Variants in ABCB1 observed in about 807,000 individuals in gnomAD.
ABCB1 encodes ATP binding cassette subfamily B member 1, also known as ATP-dependent translocase ABCB1.
ABCB1 carries 69 observed loss-of-function variants against 142.0 expected under a neutral mutation model. The ratio of observed to expected loss-of-function variants is 0.49; its 90% confidence interval spans 0.40 to 0.59. The LOEUF (loss-of-function observed/expected upper bound fraction) is 0.59. Among genes scored for constraint, ABCB1 ranks in the 20% least tolerant of loss-of-function variants. The pLI is 0.00. For missense variants in ABCB1, 1,326 were observed against 1,554.7 expected, an observed-to-expected ratio of 0.85 and a Z score of 2.47; for synonymous variants, 532 against 539.2, an observed-to-expected ratio of 0.99 and a Z score of 0.18.
At chr7:87,683,528 G>A (rs1267998868) in intron 1 of ABCB1, among the ~76,000 whole-genome samples, 1 of 152,134 alleles carries the variant, frequency 6.6e-6, no homozygotes, top group Non-Finnish European at 1.5e-5. Context: ...GTGTCTCAAG[G>A]GAATAGGGAG....
At chr7:87,618,762 G>A (rs1820118338) in intron 1 of ABCB1, among the ~76,000 whole-genome samples, 1 of 152,160 alleles carries the variant, frequency 6.6e-6, no homozygotes, top group Admixed American at 6.5e-5. Flanking sequence ...CTAATCACAT[G>A]AGCCCTTTAA....
intron 1 of ABCB1, among the ~76,000 whole-genome samples, chr7:87,613,215 A>T (rs138511125): frequency 1.1e-3 from 156 of 143,124 alleles, no homozygotes; most frequent in African/African-American, 3.8e-3. Flanking sequence ...CATTGATGAG[A>T]TAATTTGGCT....
At chr7:87,516,304 T>A (rs1269147594) in intron 24 of ABCB1, among the ~76,000 whole-genome samples, 5 of 152,192 alleles carry the variant, frequency 3.3e-5, no homozygotes, top group African/African-American at 1.2e-4. Context: ...AAGTGAGCAG[T>A]ATTCCTATTT....
At chr7:87,636,302 A>G (rs1821766660) in intron 1 of ABCB1, among the ~76,000 whole-genome samples, 1 of 152,100 alleles carries the variant, frequency 6.6e-6, no homozygotes, top group Non-Finnish European at 1.5e-5. Flanking sequence ...TGGTGGTTTT[A>G]GTTTGCATTT....
chr7:87,602,204 A>G (rs1819484783), upstream of ABCB1, among the ~76,000 whole-genome samples: 1 of 151,096 alleles, frequency 6.6e-6, no homozygotes, highest in Non-Finnish European at 1.5e-5. Flanking sequence ...TGTGTTAGCC[A>G]GGATGGTCTT....
chr7:87,521,387 G>A lies in ABCB1; in HGVS notation c.2686-511C>T, dbSNP rs143783813. On this transcript the variant is annotated intron_variant, in intron 21 of 27. Coordinates refer to ENST00000622132, the MANE Select transcript of ABCB1 (RefSeq NM_001348946.2). ...TTCAAAGGCTTACTCCTCTCTGCCT[G>A]TGGACGCTTACCCCTTTCTGCCCGT... 1.5e-4 allele frequency: 92 copies of A among 612,692 alleles called. No homozygotes were observed. The African/African-American group carries it at 1.5e-3, about 10-fold the overall frequency. The allele number at this position is 612,692 out of a possible 1,614,324, so 38.0% of individuals were successfully genotyped here. A position where few individuals can be genotyped will look rare whatever the true frequency, so the allele number is the denominator to read the frequency against.
At chr7:87,549,764 T>C (rs960787585) in intron 13 of ABCB1, 87 bp downstream of exon 13, 2 of 1,483,832 alleles carry the variant, frequency 1.3e-6, no homozygotes, top group Non-Finnish European at 1.9e-6. Flanking sequence ...CTTCTTCCGA[T>C]TTATAGTAGT....
At chr7:87,666,442 C>G (rs1825259680) in intron 1 of ABCB1, among the ~76,000 whole-genome samples, 1 of 152,046 alleles carries the variant, frequency 6.6e-6, no homozygotes, top group South Asian at 2.1e-4. Context: ...TGTAGGTTGT[C>G]TCTTTACTCT....
chr7:87,665,744 A>G (rs935582519), intron 1 of ABCB1, among the ~76,000 whole-genome samples: 6 of 151,866 alleles, frequency 4.0e-5, no homozygotes, highest in African/African-American at 1.2e-4. Flanking sequence ...CCTTCTTTCC[A>G]TGTGTAGTCA....
intron 25 of ABCB1, among the ~76,000 whole-genome samples, chr7:87,511,870 G>C (rs1156353210): frequency 1.3e-5 from 2 of 152,200 alleles, no homozygotes; most frequent in Non-Finnish European, 2.9e-5. Context: ...GGTTCTGACT[G>C]TTGTATATGG....
chr7:87,531,249 T>A (rs2117129350), intron 21 of ABCB1, 45 bp downstream of exon 21: 1 of 1,502,744 alleles, frequency 6.7e-7, no homozygotes, highest in East Asian at 2.3e-5. Context: ...CTGATTAGAA[T>A]ACTTTACTCT....
intron 6 of ABCB1, 42 bp downstream of exon 6, chr7:87,566,743 A>G (rs1817797691): frequency 6.3e-7 from 1 of 1,583,318 alleles, no homozygotes; most frequent in Non-Finnish European, 8.7e-7. Context: ...TTTACTAAGG[A>G]TAAGAACGAC....
At chr7:87,582,581 T>C (rs916909512) in intron 4 of ABCB1, among the ~76,000 whole-genome samples, 1 of 152,198 alleles carries the variant, frequency 6.6e-6, no homozygotes, top group Non-Finnish European at 1.5e-5. Flanking sequence ...ACTTCAGAGA[T>C]TGGCAACCTT....
At chr7:87,596,847 G>C (rs1563068931) in intron 2 of ABCB1, among the ~76,000 whole-genome samples, 1 of 152,124 alleles carries the variant, frequency 6.6e-6, no homozygotes, top group East Asian at 1.9e-4. Context: ...CCAATTCCCA[G>C]TAAAGGCATG....
chr7:87,682,274 G>A (rs774889750), intron 1 of ABCB1, among the ~76,000 whole-genome samples: 3 of 152,078 alleles, frequency 2.0e-5, no homozygotes, highest in Non-Finnish European at 4.4e-5. Flanking sequence ...CATGAGAGTT[G>A]GAATCAACTT....
At chr7:87,645,696 A>T (rs751205094) in intron 1 of ABCB1, among the ~76,000 whole-genome samples, 1 of 152,194 alleles carries the variant, frequency 6.6e-6, no homozygotes, top group Admixed American at 6.5e-5. Context: ...TAGATATATT[A>T]AAATTCTTTC....
In ABCB1 at chr7:87,566,686, A is replaced by G. The variant is rs955030687; in HGVS notation, c.530+99T>C. 3 of 1,216,782 alleles carry G rather than the reference A, an allele frequency of 2.5e-6. No individual in the cohort carries two copies. The African/African-American group carries it at 4.5e-5, about 18-fold the overall frequency. The allele number at this position is 1,216,782 out of a possible 1,614,324, so 75.4% of individuals were successfully genotyped here. A position where few individuals can be genotyped will look rare whatever the true frequency, so the allele number is the denominator to read the frequency against. On this transcript the variant is annotated intron_variant, in intron 6 of 27. Coordinates refer to ENST00000622132, the MANE Select transcript of ABCB1 (RefSeq NM_001348946.2). ...GAATTTTGTCTCATAAGTACCTTTG[A>G]ATGATACATTAACACCTCCTAACAG...
rs983725547 is a variant in ABCB1 at position 87,503,254 on chromosome 7, T to C, written c.*989A>G. 2.0e-5 allele frequency among the ~76,000 whole-genome samples: 3 copies of C among 152,076 alleles called. No individual in the cohort carries two copies. The highest frequency in any genetic ancestry group is 1.5e-5 in the Non-Finnish European group (1 of 67,976). On this transcript the variant is annotated 3_prime_UTR_variant, in exon 28 of 28. Coordinates refer to ENST00000622132, the MANE Select transcript of ABCB1 (RefSeq NM_001348946.2). The stretch of plus-strand genomic sequence containing the variant: ...AGCAATTGTTTATAGTAAATATAGT[T>C]TATAATGTTAATAATGCTTTTTGGC...
At chr7:87,677,361 C>T (rs551018736) in intron 1 of ABCB1, among the ~76,000 whole-genome samples, 2 of 148,576 alleles carry the variant, frequency 1.3e-5, no homozygotes, top group South Asian at 2.1e-4. Flanking sequence ...GGAAATCCTG[C>T]GATTTGCAGT....
Sources: gnomAD v4.1 joint callset for allele counts (sites outside exome capture counted in the v4.1 genomes callset) on GRCh38, gnomAD v4.1.1 for gene constraint, MANE v1.5 for transcripts, NCBI Gene and HGNC (gene_info 2026-07-23, HGNC 2026-07-21) for gene names.